Variants in PLEKHG1 observed in about 807,000 individuals in gnomAD.
PLEKHG1 encodes pleckstrin homology domain-containing family G member 1.
In PLEKHG1, 44 loss-of-function variants were observed where a neutral mutation model predicts 100.8. That is an observed-to-expected ratio of 0.44 (90% CI 0.34 to 0.56). PLEKHG1 has a LOEUF of 0.56. Among genes scored for constraint, PLEKHG1 ranks in the 20% least tolerant of loss-of-function variants. The pLI, the probability that PLEKHG1 is intolerant of heterozygous loss-of-function variation, is 0.01. For missense variants in PLEKHG1, 1,545 were observed against 1,720.9 expected (o/e 0.90, Z 1.81); for synonymous variants, 640 against 662.5 (o/e 0.97, Z 0.52).
At chr6:150,786,605 ATGTATTGTTCC>A in intron 4 of PLEKHG1, 146 bp downstream of exon 5, 1 of 608,290 alleles carries the variant, frequency 1.6e-6, no homozygotes, top group Non-Finnish European at 3.0e-6. Context: ...AGTAGCAAAA[ATGTATTGTTCC>A]TGGAGCCAGG....
chr6:150,820,739 C>A (rs1776246668), intron 12 of PLEKHG1, among the ~76,000 whole-genome samples: 1 of 152,048 alleles, frequency 6.6e-6, no homozygotes, highest in Non-Finnish European at 1.5e-5. Context: ...TTGGCAGATA[C>A]CTGTAATCCC....
intron 3 of PLEKHG1, among the ~76,000 whole-genome samples, chr6:150,693,295 T>TAACA (rs200279357): frequency 2.6e-5 from 4 of 151,928 alleles, no homozygotes; most frequent in Non-Finnish European, 4.4e-5. Flanking sequence ...CTCAAAAAAT[T>TAACA]AACAAACAAA....
intron 1 of PLEKHG1, among the ~76,000 whole-genome samples, chr6:150,634,025 T>G (rs926697571): frequency 5.3e-5 from 8 of 151,160 alleles, no homozygotes; most frequent in Admixed American, 5.3e-4. Context: ...GCGAATCACC[T>G]GAGATCAGGA....
intron 10 of PLEKHG1, among the ~76,000 whole-genome samples, chr6:150,815,807 T>G (rs1787834301): frequency 6.6e-6 from 1 of 152,208 alleles, no homozygotes; most frequent in Non-Finnish European, 1.5e-5. Flanking sequence ...TAGTGTTTTG[T>G]AGGTTAAATT....
At chr6:150,712,318 G>A (rs935985075) in intron 3 of PLEKHG1, among the ~76,000 whole-genome samples, 14 of 152,168 alleles carry the variant, frequency 9.2e-5, no homozygotes, top group African/African-American at 2.4e-4. Context: ...GGCAGGGAGC[G>A]GAGTGTGCAG....
intron 3 of PLEKHG1, chr6:150,663,021 G>C (rs1779254853): frequency 6.6e-6 from 1 of 151,160 alleles, no homozygotes; most frequent in Admixed American, 6.6e-5. Flanking sequence ...GACGGGAAGA[G>C]GTTTGTTGAC....
intron 3 of PLEKHG1, among the ~76,000 whole-genome samples, chr6:150,670,775 TTTA>T (rs553680466): frequency 1.2e-3 from 190 of 152,238 alleles, no homozygotes; most frequent in African/African-American, 4.5e-3. Context: ...TCTGTGTTAT[TTTA>T]TTATTGTTGT....
chr6:150,756,758 T>C (rs1328990304), intron 2 of PLEKHG1, among the ~76,000 whole-genome samples: 1 of 152,134 alleles, frequency 6.6e-6, no homozygotes, highest in African/African-American at 2.4e-5. Flanking sequence ...CAGTTTCAAG[T>C]CATTTAGCAC....
chr6:150,718,177 G>A (rs1781512687), upstream of PLEKHG1, among the ~76,000 whole-genome samples: 1 of 152,166 alleles, frequency 6.6e-6, no homozygotes, highest in African/African-American at 2.4e-5. Context: ...AGCAAAAAGT[G>A]GCAAGGATAC....
At chr6:150,836,262 C>A (rs1424059466) in intron 15 of PLEKHG1, among the ~76,000 whole-genome samples, 8 of 152,114 alleles carry the variant, frequency 5.3e-5, no homozygotes, top group Non-Finnish European at 1.2e-4. Context: ...CCTGTAATCC[C>A]AGCTACTCTG....
chr6:150,818,572 A>G (rs1776118123), intron 11 of PLEKHG1, among the ~76,000 whole-genome samples: 1 of 152,148 alleles, frequency 6.6e-6, no homozygotes, highest in South Asian at 2.1e-4. Context: ...CCCTAACAAA[A>G]TGTTGATTAT....
intron 3 of PLEKHG1, among the ~76,000 whole-genome samples, chr6:150,702,499 C>T (rs1054975962): frequency 2.7e-5 from 4 of 150,694 alleles, no homozygotes; most frequent in Admixed American, 6.6e-5. Flanking sequence ...GTATGGATCA[C>T]GTTATAAAGG....
intron 1 of PLEKHG1, among the ~76,000 whole-genome samples, chr6:150,626,262 A>G (rs992427539): frequency 7.9e-5 from 12 of 152,176 alleles, no homozygotes; most frequent in Admixed American, 2.6e-4. Context: ...TAAGGAATAG[A>G]GAGAGATACT....
chr6:150,768,488 T>C, intron 2 of PLEKHG1, 150 bp from the exon 4 acceptor site: 1 of 617,294 alleles, frequency 1.6e-6, no homozygotes, highest in South Asian at 2.0e-5. Flanking sequence ...TTAGGGCCAG[T>C]AATAAGAGAG....
At chr6:150,656,736 C>T (rs1778983569) in intron 3 of PLEKHG1, among the ~76,000 whole-genome samples, 1 of 152,136 alleles carries the variant, frequency 6.6e-6, no homozygotes, top group Non-Finnish European at 1.5e-5. Context: ...GATTTAAGGT[C>T]AACTATGGCG....
chr6:150,678,435 G>A (rs1425371404), intron 3 of PLEKHG1, among the ~76,000 whole-genome samples: 1 of 152,052 alleles, frequency 6.6e-6, no homozygotes, highest in Non-Finnish European at 1.5e-5. Flanking sequence ...ATATAAGCAG[G>A]AATTGTTTCA....
In PLEKHG1 at chr6:150,799,270, G is replaced by T. The variant is rs185959572; in HGVS notation, c.630-1449G>T. On this transcript the variant is annotated intron_variant, in intron 5 of 15. Transcript: ENST00000358517. Reference sequence around the variant, plus strand: ...CCACTTAACAAGCCAAAAATGCCAGGTATTTCAGCCCATCTGACAAATTTT... The same window carrying T: ...CCACTTAACAAGCCAAAAATGCCAGTTATTTCAGCCCATCTGACAAATTTT... Among the ~76,000 whole-genome samples, 281 of 152,228 alleles carry T rather than the reference G, an allele frequency of 1.8e-3. 2 individuals carry two copies. Among genetic ancestry groups the T allele is most frequent in the Middle Eastern group, 0.014 (4 of 294 alleles).
intron 3 of PLEKHG1, among the ~76,000 whole-genome samples, chr6:150,777,760 C>T (rs1026447554): frequency 6.7e-6 from 1 of 150,224 alleles, no homozygotes; most frequent in African/African-American, 2.5e-5. Context: ...TTGCACACTA[C>T]TCACACTGAT....
At chr6:150,773,072 T>A (rs1494311) in intron 3 of PLEKHG1, among the ~76,000 whole-genome samples, 54,173 of 151,946 alleles carry the variant, frequency 0.36, 12,421 homozygotes, top group African/African-American at 0.64. Context: ...TGTGTTTTTT[T>A]AAAAAGTCCT....
Sources: gnomAD v4.1 joint callset for allele counts (sites outside exome capture counted in the v4.1 genomes callset) on GRCh38, gnomAD v4.1.1 for gene constraint, MANE v1.5 for transcripts, NCBI Gene and HGNC (gene_info 2026-07-23, HGNC 2026-07-21) for gene names.